The following MEI4 variants were observed in gnomAD, a reference collection of about 807,000 sequenced individuals.
MEI4 encodes meiosis-specific protein MEI4.
In MEI4, 27 loss-of-function variants were observed where a neutral mutation model predicts 31.4. That is an observed-to-expected ratio of 0.86 (90% CI 0.63 to 1.19). The LOEUF is 1.19. MEI4 is among the 50% of genes most tolerant of loss of function. The pLI, the probability that MEI4 is intolerant of heterozygous loss-of-function variation, is 0.00. For synonymous variants in MEI4, 122 were observed against 145.4 expected (o/e 0.84, Z 1.16); for missense variants, 329 against 398.9 (o/e 0.82, Z 1.49).
intron 2 of MEI4, among the ~76,000 whole-genome samples, chr6:77,758,087 T>G (rs1421730963): frequency 1.4e-5 from 2 of 142,930 alleles, no homozygotes; most frequent in African/African-American, 5.3e-5. Flanking sequence ...ACCCAGGAGG[T>G]GGAGGTTCTG....
At chr6:77,777,190 A>T (rs1768471318) in intron 3 of MEI4, among the ~76,000 whole-genome samples, 1 of 152,186 alleles carries the variant, frequency 6.6e-6, no homozygotes. Context: ...AACAGTAAAA[A>T]ACTATTGGAA....
intron 2 of MEI4, 68 bp from the exon 3 acceptor site, chr6:77,761,062 A>C: frequency 1.9e-6 from 2 of 1,026,322 alleles, no homozygotes; most frequent in Non-Finnish European, 2.5e-6. Flanking sequence ...GATAAGTATC[A>C]ATGGCTAGTT....
intron 2 of MEI4, among the ~76,000 whole-genome samples, chr6:77,700,372 G>A (rs1203031805): frequency 6.6e-6 from 1 of 152,198 alleles, no homozygotes; most frequent in Admixed American, 6.5e-5. Context: ...GGGAGACTCC[G>A]TGGGTGTAGG....
intron 3 of MEI4, among the ~76,000 whole-genome samples, chr6:77,785,103 T>A (rs1768698232): frequency 6.6e-6 from 1 of 152,210 alleles, no homozygotes. Context: ...ATTGGGAATT[T>A]GGATTGGGAA....
chr6:77,807,363 A>T (rs893978178), intron 3 of MEI4, among the ~76,000 whole-genome samples: 2 of 152,134 alleles, frequency 1.3e-5, no homozygotes, highest in Non-Finnish European at 2.9e-5. Flanking sequence ...AGTCAAAATC[A>T]TATGTTTGTT....
chr6:77,875,613 G>T (rs12190204), intron 4 of MEI4, among the ~76,000 whole-genome samples: 43,170 of 151,924 alleles, frequency 0.28, 6,776 homozygotes, highest in South Asian at 0.38. Flanking sequence ...CCAGGATCTT[G>T]GAAAGGGATT....
At chr6:77,746,669 G>A (rs965338100) in intron 2 of MEI4, among the ~76,000 whole-genome samples, 3 of 142,190 alleles carry the variant, frequency 2.1e-5, no homozygotes, top group Admixed American at 1.4e-4. Context: ...GTGTGTGTGT[G>A]TGTGTATGAA....
intron 4 of MEI4, among the ~76,000 whole-genome samples, chr6:77,891,130 G>A (rs1463753271): frequency 6.6e-6 from 1 of 152,162 alleles, no homozygotes; most frequent in Non-Finnish European, 1.5e-5. Flanking sequence ...AGCTTTCTGA[G>A]TTGGATCTTT....
chr6:77,651,474 AAT>A (rs1376369082), upstream of MEI4, among the ~76,000 whole-genome samples: 4 of 152,346 alleles, frequency 2.6e-5, no homozygotes, highest in East Asian at 7.7e-4. Context: ...AACGTAGAAA[AAT>A]ATGAATGGAA....
rs553120339 is a variant in MEI4, at chr6:77,913,201, GATTATGTTTGCAACTGTGTTC to G, written c.901-9878_901-9858del. On this transcript the variant is annotated intron_variant, in intron 4 of 4. Transcript: ENST00000684080. ...GTATTTGGTTTTCTAGCATATTGTT[GATTATGTTTGCAACTGTGTTC>G]ATTATGTTTATTGACCTGTAGTTTT... 8.1e-3 allele frequency among the ~76,000 whole-genome samples: 1,230 copies of G among 152,172 alleles called. 14 individuals carry two copies. The highest frequency in any genetic ancestry group is 0.048 in the Middle Eastern group (14 of 294).
chr6:77,736,419 T>C (rs1414478001), intron 2 of MEI4, among the ~76,000 whole-genome samples: 6 of 152,060 alleles, frequency 3.9e-5, no homozygotes, highest in South Asian at 2.1e-4. Context: ...TGTCACCCCT[T>C]TCTTTGACTA....
rs187516644 is a variant in MEI4, at chr6:77,699,127, T to C, written c.232+8224T>C. Among the ~76,000 whole-genome samples the C allele has an allele frequency of 2.6e-3, 400 of 152,196 alleles. 1 individual carries two copies. The highest frequency in any genetic ancestry group is 2.9e-3 in the Non-Finnish European group (198 of 68,008). On this transcript the variant is annotated intron_variant, in intron 2 of 4. Coordinates refer to ENST00000684080, the MANE Select transcript of MEI4 (RefSeq NM_001322247.2). ...TTGGCCTTCAGCTCCATTAGCTCCT[T>C]TAAGGACTTCTCTGCACTGGTTATT...
At chr6:77,687,263 C>T (rs1419911910) in intron 1 of MEI4, among the ~76,000 whole-genome samples, 3 of 152,060 alleles carry the variant, frequency 2.0e-5, no homozygotes, top group Non-Finnish European at 4.4e-5. Context: ...AATTAAGAGA[C>T]ACTACATACC....
At chr6:77,859,794 C>A (rs1358126095) in intron 4 of MEI4, among the ~76,000 whole-genome samples, 2 of 152,118 alleles carry the variant, frequency 1.3e-5, no homozygotes, top group African/African-American at 4.8e-5. Context: ...ATTTGAAATG[C>A]AATATTTGGT....
At chr6:77,831,290 A>G (rs1384806449) in intron 4 of MEI4, among the ~76,000 whole-genome samples, 1 of 151,950 alleles carries the variant, frequency 6.6e-6, no homozygotes, top group Non-Finnish European at 1.5e-5. Context: ...AAATGCTCAT[A>G]GACTGTTGGT....
At chr6:77,657,251 A>G (rs944084773) in intron 1 of MEI4, among the ~76,000 whole-genome samples, 4 of 152,224 alleles carry the variant, frequency 2.6e-5, no homozygotes, top group Non-Finnish European at 5.9e-5. Context: ...GAAGTTCAGT[A>G]AAGAAAGAAA....
At chr6:77,802,661 G>T (rs1039623102) in intron 3 of MEI4, among the ~76,000 whole-genome samples, 1 of 152,136 alleles carries the variant, frequency 6.6e-6, no homozygotes, top group African/African-American at 2.4e-5. Context: ...TTTAGGACAG[G>T]CCTGGTGGTG....
At chr6:77,913,295 G>T (rs1308158009) in intron 4 of MEI4, among the ~76,000 whole-genome samples, 4 of 152,050 alleles carry the variant, frequency 2.6e-5, no homozygotes, top group Non-Finnish European at 5.9e-5. Context: ...GTAATAACTG[G>T]TCTCTTAGAA....
chr6:77,705,076 A>C (rs1766302654), intron 2 of MEI4, among the ~76,000 whole-genome samples: 1 of 152,190 alleles, frequency 6.6e-6, no homozygotes, highest in South Asian at 2.1e-4. Context: ...ACTATGTTTG[A>C]TACTGTTTCA....
Sources: allele counts gnomAD v4.1 joint callset (sites outside exome capture counted in the v4.1 genomes callset), GRCh38; gene constraint gnomAD v4.1.1; transcripts MANE v1.5; gene names NCBI Gene and HGNC (gene_info 2026-07-23, HGNC 2026-07-21).